Variants in EXOC4 observed in about 807,000 individuals in gnomAD.
EXOC4 encodes SEC8-like 1.
In EXOC4, 71 loss-of-function variants were observed where a neutral mutation model predicts 107.2. The observed-to-expected ratio is 0.66, with a 90% CI of 0.55 to 0.81. The LOEUF is 0.81. Among genes scored for constraint, EXOC4 ranks in the 30% least tolerant of loss-of-function variants. The pLI, the probability that EXOC4 is intolerant of heterozygous loss-of-function variation, is 0.00. For missense variants in EXOC4, 1,108 were observed against 1,189.6 expected (o/e 0.93, Z 1.01); for synonymous variants, 456 against 441.2 (o/e 1.03, Z -0.42).
chr7:134,056,075 T>C (rs1256659811), intron 17 of EXOC4, among the ~76,000 whole-genome samples: 1 of 152,200 alleles, frequency 6.6e-6, no homozygotes, highest in Non-Finnish European at 1.5e-5. Context: ...ATATAGATAA[T>C]ATACACTACA....
intron 11 of EXOC4, among the ~76,000 whole-genome samples, chr7:133,829,079 G>A (rs1027982156): frequency 6.6e-4 from 100 of 152,262 alleles, no homozygotes; most frequent in African/African-American, 2.3e-3. Context: ...GTGTAGAAAC[G>A]AAGAAGGCAG....
At chr7:133,712,117 A>C (rs1241911825) in intron 10 of EXOC4, among the ~76,000 whole-genome samples, 2 of 152,158 alleles carry the variant, frequency 1.3e-5, no homozygotes, top group African/African-American at 2.4e-5. Flanking sequence ...AGAATGCAAA[A>C]TAACAAGTCT....
At chr7:133,442,136 T>A (rs1798119200) in intron 7 of EXOC4, among the ~76,000 whole-genome samples, 1 of 152,234 alleles carries the variant, frequency 6.6e-6, no homozygotes, top group African/African-American at 2.4e-5. Flanking sequence ...TATGTTTGTT[T>A]TCATGTATGT....
chr7:133,770,681 C>T (rs1796227730), intron 10 of EXOC4, among the ~76,000 whole-genome samples: 1 of 151,840 alleles, frequency 6.6e-6, no homozygotes, highest in Non-Finnish European at 1.5e-5. Flanking sequence ...TGTACATAAT[C>T]CATTATCCAC....
chr7:133,870,189 A>G (rs1237576690), intron 11 of EXOC4, among the ~76,000 whole-genome samples: 1 of 152,182 alleles, frequency 6.6e-6, no homozygotes, highest in East Asian at 1.9e-4. Context: ...TATCTTAAGC[A>G]ATAAAGAAAA....
At chr7:133,300,864 G>T (rs553974255) in intron 3 of EXOC4, among the ~76,000 whole-genome samples, 2 of 150,310 alleles carry the variant, frequency 1.3e-5, no homozygotes, top group Non-Finnish European at 2.9e-5. Context: ...TATGGTTCAA[G>T]TTAATAATAT....
chr7:133,920,032 AC>A (rs1175282503), intron 13 of EXOC4, among the ~76,000 whole-genome samples: 1 of 152,198 alleles, frequency 6.6e-6, no homozygotes, highest in East Asian at 1.9e-4. Flanking sequence ...CTGTTTCTCC[AC>A]ATTCTTGCCA....
chr7:133,783,834 C>T (rs1486154400), intron 10 of EXOC4, among the ~76,000 whole-genome samples: 3 of 152,162 alleles, frequency 2.0e-5, no homozygotes, highest in East Asian at 1.9e-4. Context: ...CTTTGCCAGA[C>T]TCTTTCATAC....
intron 5 of EXOC4, among the ~76,000 whole-genome samples, chr7:133,326,998 T>C (rs2150597260): frequency 6.6e-6 from 1 of 152,318 alleles, no homozygotes; most frequent in South Asian, 2.1e-4. Flanking sequence ...GGCGTGGGAC[T>C]CTCCAAGCCA....
intron 14 of EXOC4, among the ~76,000 whole-genome samples, chr7:133,955,869 C>G (rs1800806830): frequency 6.6e-6 from 1 of 152,250 alleles, no homozygotes; most frequent in South Asian, 2.1e-4. Context: ...CAACTTTGCT[C>G]TGAGATCAGA....
intron 7 of EXOC4, among the ~76,000 whole-genome samples, chr7:133,380,371 T>C (rs576796406): frequency 2.0e-5 from 3 of 152,208 alleles, no homozygotes; most frequent in African/African-American, 7.2e-5. Flanking sequence ...ATTTACATGC[T>C]ATAAAGTTTA....
At chr7:133,703,260 C>G (rs1330230558) in intron 10 of EXOC4, among the ~76,000 whole-genome samples, 1 of 152,176 alleles carries the variant, frequency 6.6e-6, no homozygotes, top group Non-Finnish European at 1.5e-5. Context: ...ATGCTAAACT[C>G]CTTTTGAATA....
At chr7:134,040,900 A>T (rs546194437) in intron 17 of EXOC4, among the ~76,000 whole-genome samples, 1 of 152,164 alleles carries the variant, frequency 6.6e-6, no homozygotes, top group African/African-American at 2.4e-5. Flanking sequence ...CCTTCTCTTT[A>T]ACTAATCAGA....
chr7:134,012,185 G>A (rs1180345580), intron 17 of EXOC4, among the ~76,000 whole-genome samples: 1 of 152,148 alleles, frequency 6.6e-6, no homozygotes, highest in African/African-American at 2.4e-5. Context: ...GAGCAGAAGA[G>A]TGCTACATAA....
chr7:133,316,762 C>T (rs1184221193), intron 4 of EXOC4, among the ~76,000 whole-genome samples: 2 of 151,968 alleles, frequency 1.3e-5, no homozygotes, highest in East Asian at 3.9e-4. Context: ...TGTGATTGTC[C>T]ACGTCATGAA....
intron 2 of EXOC4, among the ~76,000 whole-genome samples, chr7:133,279,473 T>A (rs1163115067): frequency 6.6e-6 from 1 of 152,130 alleles, no homozygotes; most frequent in Non-Finnish European, 1.5e-5. Context: ...GATGAAGATG[T>A]TCATATTTGT....
At chr7:133,496,594 G>A (rs1011713428) in intron 9 of EXOC4, among the ~76,000 whole-genome samples, 3 of 151,978 alleles carry the variant, frequency 2.0e-5, no homozygotes, top group East Asian at 3.9e-4. Context: ...ATATTTCTTC[G>A]CACCTTCGAG....
At position 133,929,624 on chromosome 7, in the gene EXOC4, T is replaced by C. The variant is rs73440803; in HGVS notation, c.2028-8267T>C. Among the ~76,000 whole-genome samples, 739 of 152,256 alleles carry C rather than the reference T, an allele frequency of 4.9e-3. 10 individuals carry two copies. Among genetic ancestry groups the C allele is most frequent in the African/African-American group, 0.017 (714 of 41,534 alleles). ...TGTGTATGCAGGTTTGTTACATGGG[T>C]AAATTGCATGTCATGGGGATTTAGC... On this transcript the variant is annotated intron_variant, in intron 13 of 17. Coordinates refer to ENST00000253861, the MANE Select transcript of EXOC4 (RefSeq NM_021807.4).
chr7:133,776,539 T>A (rs1796348792), intron 10 of EXOC4, among the ~76,000 whole-genome samples: 1 of 152,204 alleles, frequency 6.6e-6, no homozygotes, highest in Admixed American at 6.5e-5. Context: ...ATGTGAATGA[T>A]GGGTTGGGAT....
Sources: gnomAD v4.1 joint callset for allele counts (sites outside exome capture counted in the v4.1 genomes callset) on GRCh38, gnomAD v4.1.1 for gene constraint, MANE v1.5 for transcripts, NCBI Gene and HGNC (gene_info 2026-07-23, HGNC 2026-07-21) for gene names.